KCND3: variants seen among roughly 807,000 people sequenced by gnomAD.
KCND3 encodes the protein potassium voltage-gated channel subfamily D member 3, also known as A-type voltage-gated potassium channel KCND3.
In KCND3, 9 loss-of-function variants were observed where a neutral mutation model predicts 51.1. That is an observed-to-expected ratio of 0.18 (90% CI 0.11 to 0.31). The LOEUF is 0.31. KCND3 is among the 10% of genes least tolerant of loss of function. The pLI is 1.00. For missense variants in KCND3, 526 were observed against 903.8 expected (o/e 0.58, Z 5.36); for synonymous variants, 349 against 368.0 (o/e 0.95, Z 0.59).
chr1:111,951,878 A>G (rs1673079625), intron 2 of KCND3, among the ~76,000 whole-genome samples: 2 of 152,194 alleles, frequency 1.3e-5, no homozygotes, highest in African/African-American at 4.8e-5. Flanking sequence ...GAAGACGGAG[A>G]AGCAACAGCA....
At chr1:111,905,450 C>T (rs531290189) in intron 2 of KCND3, among the ~76,000 whole-genome samples, 2 of 152,328 alleles carry the variant, frequency 1.3e-5, no homozygotes, top group East Asian at 3.9e-4. Context: ...TGGTAAGGGG[C>T]AAAGTGGATG....
chr1:111,828,272 C>T (rs1015372735), intron 2 of KCND3, among the ~76,000 whole-genome samples: 50 of 152,292 alleles, frequency 3.3e-4, no homozygotes, highest in Non-Finnish European at 3.2e-4. Context: ...ACAATTTACC[C>T]GTGTCTTTGT....
At chr1:111,844,651 T>C (rs1315662389) in intron 2 of KCND3, among the ~76,000 whole-genome samples, 1 of 152,218 alleles carries the variant, frequency 6.6e-6, no homozygotes, top group African/African-American at 2.4e-5. Context: ...ATCCCTTCAC[T>C]TGAGACAGAA....
intron 2 of KCND3, among the ~76,000 whole-genome samples, chr1:111,852,274 G>C (rs1022883129): frequency 6.6e-6 from 1 of 152,222 alleles, no homozygotes; most frequent in South Asian, 2.1e-4. Flanking sequence ...GGCTGGAAAA[G>C]CAAAGCAAGC....
At chr1:111,986,209 G>A (rs1344007174) in intron 1 of KCND3, among the ~76,000 whole-genome samples, 1 of 152,178 alleles carries the variant, frequency 6.6e-6, no homozygotes, top group Non-Finnish European at 1.5e-5. Context: ...CACTGACAAT[G>A]CTCTGGACAC....
intron 2 of KCND3, among the ~76,000 whole-genome samples, chr1:111,954,011 G>A (rs1415956621): frequency 2.6e-5 from 4 of 152,174 alleles, no homozygotes; most frequent in Admixed American, 2.6e-4. Flanking sequence ...TAACAAGCCA[G>A]GATGGGGGGT....
At chr1:111,807,446 G>C (rs192401630) in intron 2 of KCND3, among the ~76,000 whole-genome samples, 4 of 152,384 alleles carry the variant, frequency 2.6e-5, no homozygotes, top group Admixed American at 2.0e-4. Flanking sequence ...GGGAGGCCAA[G>C]GCGGGTGGAT....
At chr1:111,915,970 C>T (rs1380154492) in intron 2 of KCND3, among the ~76,000 whole-genome samples, 2 of 151,662 alleles carry the variant, frequency 1.3e-5, no homozygotes, top group Non-Finnish European at 2.9e-5. Context: ...CAAAACCACA[C>T]CTATAGTTGA....
intron 2 of KCND3, among the ~76,000 whole-genome samples, chr1:111,826,699 G>A (rs1223641869): frequency 1.3e-5 from 2 of 152,190 alleles, no homozygotes; most frequent in African/African-American, 2.4e-5. Context: ...GGTTTCAATA[G>A]GACAGTGGCG....
chr1:111,885,654 A>G (rs1669535871), intron 2 of KCND3, among the ~76,000 whole-genome samples: 1 of 151,870 alleles, frequency 6.6e-6, no homozygotes, highest in Non-Finnish European at 1.5e-5. Flanking sequence ...GAACGTTTCC[A>G]TTTACCCTGT....
At chr1:111,865,728 A>T (rs1668528675) in intron 2 of KCND3, among the ~76,000 whole-genome samples, 1 of 152,260 alleles carries the variant, frequency 6.6e-6, no homozygotes, top group South Asian at 2.1e-4. Flanking sequence ...TTTTTGTGAC[A>T]AGGTCTTACT....
chr1:111,885,975 G>A lies in KCND3; in HGVS notation c.1106+95646C>T, dbSNP rs924007840. Among the ~76,000 whole-genome samples the A allele has an allele frequency of 8.5e-5, 13 of 152,088 alleles. No individual in the cohort carries two copies. In the East Asian group the frequency reaches 2.1e-3, roughly 25 times the overall value. On this transcript the variant is annotated intron_variant, in intron 2 of 7. Transcript: ENST00000302127. ...CGTGAGCCACCGTACCCAGCTGCAT[G>A]TTTCGATCGCTAGACATGATAGTGT...
chr1:111,795,681 T>C (rs1486558738), intron 2 of KCND3, among the ~76,000 whole-genome samples: 1 of 152,234 alleles, frequency 6.6e-6, no homozygotes, highest in Non-Finnish European at 1.5e-5. Flanking sequence ...GAACGATTTA[T>C]AATCCTTTGG....
chr1:111,885,983 C>T (rs976077425), intron 2 of KCND3, among the ~76,000 whole-genome samples: 3 of 152,052 alleles, frequency 2.0e-5, no homozygotes, highest in African/African-American at 4.8e-5. Context: ...ATGTTTCGAT[C>T]GCTAGACATG....
intron 2 of KCND3, among the ~76,000 whole-genome samples, chr1:111,810,460 G>T (rs1004021416): frequency 5.3e-5 from 8 of 152,204 alleles, no homozygotes; most frequent in Non-Finnish European, 1.2e-4. Flanking sequence ...GCACCCAAAG[G>T]CCGATGCTGG....
intron 2 of KCND3, among the ~76,000 whole-genome samples, chr1:111,877,473 G>A (rs918024072): frequency 2.0e-5 from 3 of 152,220 alleles, no homozygotes; most frequent in Admixed American, 6.5e-5. Context: ...GGACTAGAGG[G>A]ACCACTCACT....
chr1:111,982,626 T>C lies in KCND3; in HGVS notation c.101A>G (p.Lys34Arg). Reference sequence around the variant, plus strand: ...AATCAGCTCATCCTGCCGCTTGTTCTTGTCGGCCGGGGCCAGGGGCATGGG... The same window carrying C: ...AATCAGCTCATCCTGCCGCTTGTTCCTGTCGGCCGGGGCCAGGGGCATGGG... Reference protein sequence around the residue: ...NCPMPLAPADKNKRQDELIVL... With the variant: ...NCPMPLAPADRNKRQDELIVL... Residue 34 changes from lysine (K) to arginine (R), a missense_variant, in exon 2 of 8, where the codon AAG (lysine) becomes AGG (arginine). By Grantham distance (26) the Lys-to-Arg change is conservative. Transcript: ENST00000302127. This position sits in a 1 kb window ranked among gnomAD's most constrained non-coding sequence, Gnocchi z 8.5. 6.2e-7 allele frequency: 1 copy of C among 1,613,944 alleles called. No individual in the cohort carries two copies. Among genetic ancestry groups the C allele is most frequent in the Non-Finnish European group, 8.5e-7 (1 of 1,179,910 alleles).
chr1:111,799,878 C>A (rs1665216836), intron 2 of KCND3, among the ~76,000 whole-genome samples: 1 of 152,230 alleles, frequency 6.6e-6, no homozygotes, highest in Admixed American at 6.5e-5. Context: ...ATGTCATCAA[C>A]TTCACTACCG....
intron 2 of KCND3, among the ~76,000 whole-genome samples, chr1:111,932,866 C>A (rs1047277400): frequency 6.6e-6 from 1 of 152,176 alleles, no homozygotes; most frequent in African/African-American, 2.4e-5. Context: ...ATGCATTGCT[C>A]TGGGGTCTCG....
Sources: allele counts gnomAD v4.1 joint callset (sites outside exome capture counted in the v4.1 genomes callset), GRCh38; gene constraint gnomAD v4.1.1; non-coding constraint Gnocchi (gnomAD v3.1); transcripts MANE v1.5; gene names NCBI Gene and HGNC (gene_info 2026-07-23, HGNC 2026-07-21).